DCP1B: variants seen among roughly 807,000 people sequenced by gnomAD.
DCP1B encodes the protein mRNA-decapping enzyme 1B.
In DCP1B, 47 loss-of-function variants were observed where a neutral mutation model predicts 60.5. That is an observed-to-expected ratio of 0.78 (90% CI 0.61 to 0.99). DCP1B has a LOEUF of 0.99. Ranked by LOEUF, DCP1B falls within the 50% of genes least tolerant of loss-of-function variation. The pLI, the probability that DCP1B is intolerant of heterozygous loss-of-function variation, is 0.00. For synonymous variants in DCP1B, 267 were observed against 280.3 expected (o/e 0.95, Z 0.47); for missense variants, 725 against 756.8 (o/e 0.96, Z 0.49).
At chr12:1,955,777 A>C (rs1341284308) in intron 5 of DCP1B, among the ~76,000 whole-genome samples, 1 of 152,346 alleles carries the variant, frequency 6.6e-6, no homozygotes, top group East Asian at 1.9e-4. Flanking sequence ...CAGTGCTCTA[A>C]ATATTACTAA....
chr12:1,981,791 A>C (rs573342791), intron 3 of DCP1B, among the ~76,000 whole-genome samples: 1 of 152,218 alleles, frequency 6.6e-6, no homozygotes. Flanking sequence ...CCAGGGAGGT[A>C]AAGTTCCAGC....
chr12:1,950,095 T>G (rs1434313475), intron 7 of DCP1B: 1 of 513,746 alleles, frequency 1.9e-6, no homozygotes, highest in Non-Finnish European at 3.5e-6. Flanking sequence ...AAAAAGAATG[T>G]TATTTATCAG....
chr12:1,997,696 G>A (rs1307326167), intron 2 of DCP1B, among the ~76,000 whole-genome samples: 1 of 152,174 alleles, frequency 6.6e-6, no homozygotes, highest in Non-Finnish European at 1.5e-5. Context: ...CCCAGTCAAT[G>A]ATTTAAGTTC....
intron 5 of DCP1B, among the ~76,000 whole-genome samples, chr12:1,956,451 A>T (rs1235285646): frequency 6.6e-6 from 1 of 152,226 alleles, no homozygotes; most frequent in African/African-American, 2.4e-5. Context: ...TCAGGAACCC[A>T]GCATTCCCAA....
At chr12:1,995,952 A>G (rs868644728) in intron 2 of DCP1B, among the ~76,000 whole-genome samples, 8 of 152,224 alleles carry the variant, frequency 5.3e-5, no homozygotes, top group Admixed American at 2.0e-4. Flanking sequence ...ACTTCAAAGT[A>G]AAATGAGGGC....
At chr12:1,994,183 T>A in intron 2 of DCP1B, among the ~76,000 whole-genome samples, 1 of 152,196 alleles carries the variant, frequency 6.6e-6, no homozygotes, top group East Asian at 1.9e-4. Context: ...GTGACAGCCA[T>A]ATAGTAATTC....
chr12:1,953,350 T>C, intron 6 of DCP1B, 62 bp from the exon 7 acceptor site: 1 of 1,475,104 alleles, frequency 6.8e-7, no homozygotes, highest in Admixed American at 2.3e-5. Flanking sequence ...GAGGAAGTGC[T>C]ATGAAACATA....
intron 7 of DCP1B, among the ~76,000 whole-genome samples, chr12:1,952,052 G>A (rs1274392613): frequency 1.3e-5 from 2 of 152,206 alleles, no homozygotes; most frequent in Non-Finnish European, 2.9e-5. Context: ...GAAAGTTCAG[G>A]CAATCAAGAT....
intron 5 of DCP1B, among the ~76,000 whole-genome samples, chr12:1,964,786 G>A (rs1455298169): frequency 6.6e-6 from 1 of 152,040 alleles, no homozygotes; most frequent in Non-Finnish European, 1.5e-5. Context: ...TTGGTCTATT[G>A]GGCTGTTAGG....
intron 7 of DCP1B, among the ~76,000 whole-genome samples, chr12:1,950,620 A>C (rs1388611976): frequency 6.6e-6 from 1 of 152,204 alleles, no homozygotes; most frequent in Non-Finnish European, 1.5e-5. Flanking sequence ...GACTTTTGGC[A>C]CATGCCTAAG....
intron 5 of DCP1B, among the ~76,000 whole-genome samples, chr12:1,956,971 C>A (rs766281513): frequency 6.6e-6 from 1 of 152,128 alleles, no homozygotes; most frequent in Non-Finnish European, 1.5e-5. Flanking sequence ...TATGAATAAG[C>A]CTGATAGCTT....
Position 2,004,343 on chromosome 12 carries a change from C to T in DCP1B, c.89G>A (p.Arg30His). 1.2e-6 allele frequency: 2 copies of T among 1,613,330 alleles called. No individual in the cohort carries two copies. The highest frequency in any genetic ancestry group is 1.7e-6 in the Non-Finnish European group (2 of 1,179,930). ...CACCTGGCTGGCCACGTCCACGATG[C>T]GGTTGATATAGGGGTCGTGGCGCTG... ...ALQRHDPYIN[R>H]IVDVASQVAL... The change falls in exon 1 of 9, where the codon CGC becomes CAC. Residue 30 changes from arginine to histidine, a missense_variant. Physicochemically the swap from Arg to His is conservative, Grantham distance 29 (BLOSUM62 0). Coordinates refer to ENST00000280665, the MANE Select transcript of DCP1B (RefSeq NM_152640.5).
At chr12:1,996,479 A>G (rs530136222) in intron 2 of DCP1B, among the ~76,000 whole-genome samples, 3 of 152,074 alleles carry the variant, frequency 2.0e-5, no homozygotes, top group African/African-American at 7.2e-5. Context: ...AAGTTCCACC[A>G]TATTCCTGAG....
At chr12:1,990,670 A>G (rs1408085475) in intron 3 of DCP1B, among the ~76,000 whole-genome samples, 1 of 152,202 alleles carries the variant, frequency 6.6e-6, no homozygotes, top group Admixed American at 6.5e-5. Context: ...CAAAGACCAG[A>G]CAGAGAGATT....
intron 3 of DCP1B, among the ~76,000 whole-genome samples, chr12:1,977,077 TAC>T (rs1038594475): frequency 1.3e-5 from 2 of 152,216 alleles, no homozygotes; most frequent in African/African-American, 4.8e-5. Flanking sequence ...GTAATAAATT[TAC>T]ACAGAGTTCA....
chr12:1,993,010 C>T (rs1403703057), intron 3 of DCP1B: 1 of 642,986 alleles, frequency 1.6e-6, no homozygotes, highest in Non-Finnish European at 2.7e-6. Context: ...TGGGTTCACA[C>T]TACAAATCCA....
chr12:2,002,254 C>A (rs780848246), intron 1 of DCP1B, among the ~76,000 whole-genome samples: 21 of 152,158 alleles, frequency 1.4e-4, no homozygotes, highest in Non-Finnish European at 2.9e-4. Flanking sequence ...CAACAATGTT[C>A]TCATATTCTT....
chr12:2,004,243 C>A, intron 1 of DCP1B, 39 bp downstream of exon 1: 2 of 1,610,710 alleles, frequency 1.2e-6, no homozygotes, highest in Non-Finnish European at 1.7e-6. Flanking sequence ...GCCTCCACCC[C>A]AACCCTGGGC....
At chr12:1,963,437 C>T (rs1397867279) in intron 5 of DCP1B, among the ~76,000 whole-genome samples, 1 of 152,236 alleles carries the variant, frequency 6.6e-6, no homozygotes, top group East Asian at 1.9e-4. Flanking sequence ...AAGCTTATTT[C>T]ATTCCCATTA....
Sources: gnomAD v4.1 joint callset for allele counts (sites outside exome capture counted in the v4.1 genomes callset) on GRCh38, gnomAD v4.1.1 for gene constraint, MANE v1.5 for transcripts, NCBI Gene and HGNC (gene_info 2026-07-23, HGNC 2026-07-21) for gene names.